Variants in MYCBP2 observed in about 807,000 individuals in gnomAD.
MYCBP2 encodes MYC binding protein 2.
In MYCBP2, 120 loss-of-function variants were observed where a neutral mutation model predicts 525.3. The ratio of observed to expected loss-of-function variants is 0.23; its 90% CI spans 0.20 to 0.27. The LOEUF is 0.27. MYCBP2 is among the 10% of genes least tolerant of loss of function. The pLI is 1.00. For synonymous variants in MYCBP2, 1,894 were observed against 1,955.8 expected (o/e 0.97, Z 0.83); for missense variants, 4,149 against 5,657.1 (o/e 0.73, Z 8.55).
At chr13:77,228,365 GGT>G (rs2066610942) in intron 18 of MYCBP2, among the ~76,000 whole-genome samples, 1 of 151,942 alleles carries the variant, frequency 6.6e-6, no homozygotes, top group Admixed American at 6.6e-5. Context: ...AAACTAGCTG[GGT>G]GTGGTGGTGA....
chr13:77,174,923 A>ATATATTTTAAATATAAATATATAT (rs1555383721), intron 36 of MYCBP2, among the ~76,000 whole-genome samples: 2 of 106,856 alleles, frequency 1.9e-5, no homozygotes, highest in African/African-American at 1.1e-4. Flanking sequence ...TATATATTAT[A>ATATATTTTAAATATAAATATATAT]TATATATAAT....
At chr13:77,309,769 A>G (rs1429737412) in intron 1 of MYCBP2, among the ~76,000 whole-genome samples, 1 of 152,182 alleles carries the variant, frequency 6.6e-6, no homozygotes, top group Non-Finnish European at 1.5e-5. Flanking sequence ...TAACACTACT[A>G]GAGATTATCT....
intron 55 of MYCBP2, chr13:77,100,311 T>C (rs2046877237): frequency 6.6e-6 from 1 of 152,120 alleles, no homozygotes; most frequent in Non-Finnish European, 1.5e-5. Flanking sequence ...ACAGTAGTGC[T>C]GGAGAATCTG....
chr13:77,169,591 A>C (rs1380782303), intron 39 of MYCBP2, 23 bp downstream of exon 39: 2 of 1,571,232 alleles, frequency 1.3e-6, no homozygotes, highest in East Asian at 2.2e-5. Flanking sequence ...AAACATTCAA[A>C]GTTATAGAAT....
At chr13:77,200,339 A>C (rs930060870) in intron 26 of MYCBP2, among the ~76,000 whole-genome samples, 13 of 152,190 alleles carry the variant, frequency 8.5e-5, no homozygotes, top group Admixed American at 5.9e-4. Context: ...GGAAGTTTAG[A>C]GAAAAAAGAA....
intron 15 of MYCBP2, among the ~76,000 whole-genome samples, chr13:77,247,432 G>A (rs1192472133): frequency 6.6e-6 from 1 of 152,088 alleles, no homozygotes; most frequent in Non-Finnish European, 1.5e-5. Context: ...AATTAAAGAT[G>A]ACATAAGTAG....
Position 77,048,848 on chromosome 13 carries a change from C to T in MYCBP2, c.13921+2149G>A, listed in dbSNP as rs547378376. Among the ~76,000 whole-genome samples, 19 of 151,732 alleles carry T rather than the reference C, an allele frequency of 1.3e-4. No homozygotes were observed. The South Asian group carries it at 2.9e-3, about 23-fold the overall frequency. On this transcript the variant is annotated intron_variant, in intron 82 of 82. Coordinates refer to ENST00000544440, the MANE Select transcript of MYCBP2 (RefSeq NM_015057.5). ...ACCCTCCTCTCTCAGCTACTACCCACCACTGAGTTCTCTAAAGTGTTTCAT... is the reference window on the plus strand; with the variant it reads ...ACCCTCCTCTCTCAGCTACTACCCATCACTGAGTTCTCTAAAGTGTTTCAT...
intron 55 of MYCBP2, chr13:77,099,418 A>G (rs2046732529): frequency 5.1e-6 from 1 of 197,696 alleles, no homozygotes; most frequent in Non-Finnish European, 1.0e-5. Context: ...GTAGAGCTAA[A>G]TTTCCAGCAG....
intron 20 of MYCBP2, among the ~76,000 whole-genome samples, chr13:77,221,143 C>T (rs1015958285): frequency 2.4e-5 from 3 of 126,808 alleles, no homozygotes; most frequent in Non-Finnish European, 5.3e-5. Flanking sequence ...TAGATCCTAC[C>T]AATGTTTAAT....
At chr13:77,226,922 A>T (rs2066364329) in intron 18 of MYCBP2, among the ~76,000 whole-genome samples, 1 of 152,202 alleles carries the variant, frequency 6.6e-6, no homozygotes, top group South Asian at 2.1e-4. Flanking sequence ...TTCAAGCAGT[A>T]CAGATTACAG....
intron 26 of MYCBP2, among the ~76,000 whole-genome samples, chr13:77,202,988 A>G (rs2062817911): frequency 6.6e-6 from 1 of 151,850 alleles, no homozygotes; most frequent in Non-Finnish European, 1.5e-5. Flanking sequence ...CTGGCACAAG[A>G]CAGGGATGCC....
chr13:77,113,665 G>A (rs1365594919), intron 55 of MYCBP2, among the ~76,000 whole-genome samples: 4 of 152,098 alleles, frequency 2.6e-5, no homozygotes, highest in Admixed American at 2.6e-4. Flanking sequence ...TTTGTGGTTT[G>A]AATTCCTAGG....
At chr13:77,258,013 A>G (rs1437040078) in intron 13 of MYCBP2, among the ~76,000 whole-genome samples, 184 bp from the exon 14 acceptor site, 1 of 152,232 alleles carries the variant, frequency 6.6e-6, no homozygotes, top group African/African-American at 2.4e-5. Flanking sequence ...ACGTAGCTTC[A>G]GTGAATCCTA....
Position 77,076,751 on chromosome 13 carries a change from A to G in MYCBP2, c.11823T>C (p.Asn3941=), listed in dbSNP as rs1256523717. 2.0e-6 allele frequency: 3 copies of G among 1,538,034 alleles called. No individual in the cohort carries two copies. The East Asian group carries it at 6.8e-5, about 35-fold the overall frequency. ...SSPEGEEKVY[N]ATSDADLKEH... Reference sequence around the variant, plus strand: ...ATATCTTTAGAATACAAATAAATACATTGTATACTTTTTCTTCTCCTTCAG... The same window carrying G: ...ATATCTTTAGAATACAAATAAATACGTTGTATACTTTTTCTTCTCCTTCAG... The change falls in exon 68 of 83, where the codon AAT becomes AAC. Residue 3941 remains asparagine (N), a splice_region_variant and synonymous_variant. Transcript: ENST00000544440.
intron 13 of MYCBP2, among the ~76,000 whole-genome samples, chr13:77,258,939 A>G (rs2072737466): frequency 6.6e-6 from 1 of 152,158 alleles, no homozygotes; most frequent in South Asian, 2.1e-4. Context: ...AAGATTAAGT[A>G]AACTGTTACC....
At chr13:77,217,640 C>T (rs1250646053) in intron 21 of MYCBP2, among the ~76,000 whole-genome samples, 200 bp downstream of exon 21, 3 of 151,932 alleles carry the variant, frequency 2.0e-5, no homozygotes, top group African/African-American at 7.3e-5. Flanking sequence ...AATTCTAATG[C>T]TGAGCTAGAG....
intron 8 of MYCBP2, among the ~76,000 whole-genome samples, chr13:77,267,123 C>T (rs1215612466): frequency 6.6e-6 from 1 of 151,850 alleles, no homozygotes; most frequent in Non-Finnish European, 1.5e-5. Context: ...TATAAACAGC[C>T]TCAGAAAGTA....
chr13:77,177,338 T>C (rs991537488), intron 35 of MYCBP2, among the ~76,000 whole-genome samples: 104 of 146,510 alleles, frequency 7.1e-4, no homozygotes, highest in Middle Eastern at 3.5e-3. Context: ...TTCTTTCTTT[T>C]TTTTTTTTTT....
chr13:77,103,312 T>C, intron 55 of MYCBP2: 1 of 397,624 alleles, frequency 2.5e-6, no homozygotes. Flanking sequence ...ATGGAGATTC[T>C]ACAGTGGAAA....
Sources: gnomAD v4.1 joint callset for allele counts (sites outside exome capture counted in the v4.1 genomes callset) on GRCh38, gnomAD v4.1.1 for gene constraint, MANE v1.5 for transcripts, NCBI Gene and HGNC (gene_info 2026-07-23, HGNC 2026-07-21) for gene names.